The following PYGL variants were observed in gnomAD, a reference collection of about 807,000 sequenced individuals.
PYGL encodes the protein glycogen phosphorylase, liver form.
Under a neutral mutation model 100.1 loss-of-function variants are expected in PYGL, and 90 were observed. The ratio of observed to expected loss-of-function variants is 0.90; its 90% CI spans 0.76 to 1.07. The LOEUF (loss-of-function observed/expected upper bound fraction) is 1.07, where lower values mean the gene tolerates loss of function less well. Ranked by LOEUF, PYGL falls within the 50% of genes least tolerant of loss-of-function variation. The pLI is 0.00. For missense variants in PYGL, 1,016 were observed against 1,057.6 expected, an observed-to-expected ratio of 0.96 and a Z score of 0.55; for synonymous variants, 373 against 393.0, an observed-to-expected ratio of 0.95 and a Z score of 0.60.
intron 13 of PYGL, among the ~76,000 whole-genome samples, chr14:50,912,723 G>A (rs918874043): frequency 1.3e-5 from 2 of 152,314 alleles, no homozygotes; most frequent in African/African-American, 4.8e-5. Flanking sequence ...AGAGGCCGAG[G>A]CGGGTGGATC....
chr14:50,918,004 A>G (rs1184098256), intron 7 of PYGL, among the ~76,000 whole-genome samples: 1 of 152,228 alleles, frequency 6.6e-6, no homozygotes, highest in African/African-American at 2.4e-5. Flanking sequence ...AAAAAATCCC[A>G]TGAAAAAGTG....
intron 4 of PYGL, among the ~76,000 whole-genome samples, chr14:50,924,540 G>A (rs911055161): frequency 6.6e-6 from 1 of 152,112 alleles, no homozygotes; most frequent in Non-Finnish European, 1.5e-5. Context: ...CTACACAAAG[G>A]GTTCAGTCAA....
intron 1 of PYGL, among the ~76,000 whole-genome samples, chr14:50,943,874 G>C (rs1054324094): frequency 6.6e-6 from 1 of 152,250 alleles, no homozygotes; most frequent in African/African-American, 2.4e-5. Context: ...AGGCGAGAGG[G>C]GCCTGGGCTT....
chr14:50,918,695 G>T (rs1320804089), intron 7 of PYGL, among the ~76,000 whole-genome samples: 1 of 152,138 alleles, frequency 6.6e-6, no homozygotes, highest in Admixed American at 6.5e-5. Context: ...AATTTATTGG[G>T]TGTACACTGC....
rs1566505833 is a variant in PYGL at position 50,920,611 on chromosome 14, T to A, written c.785A>T (p.Asp262Val). The part of the protein sequence containing the change: ...DFNLRDFNVG[D>V]YIQAVLDRNL... ...TCGGTCCAGCACAGCCTGAATGTAG[T>A]CTCCAACATTAACTAGGGGAAAGTT... The change falls in exon 7 of 20, where the codon GAC (aspartate) becomes GTC (valine). Residue 262 changes from aspartate (D) to valine (V), a missense_variant. Coordinates refer to ENST00000216392, the MANE Select transcript of PYGL (RefSeq NM_002863.5). The A allele has an allele frequency of 6.2e-7, 1 of 1,611,098 alleles. No homozygotes were observed. Among genetic ancestry groups the A allele is most frequent in the African/African-American group, 1.3e-5 (1 of 74,962 alleles).
chr14:50,944,109 G>T, intron 1 of PYGL, 52 bp downstream of exon 1: 20 of 1,556,184 alleles, frequency 1.3e-5, no homozygotes, highest in South Asian at 2.3e-5. Context: ...GGCCGCGGCC[G>T]GAGACTCCGA....
intron 5 of PYGL, 188 bp downstream of exon 5, chr14:50,923,781 C>T: frequency 1.6e-6 from 1 of 637,004 alleles, no homozygotes; most frequent in Non-Finnish European, 2.4e-6. Context: ...TTGGCCTCAG[C>T]TCCTTTGTCT....
chr14:50,916,793 G>A (rs2050455428), intron 8 of PYGL, 59 bp from the exon 9 acceptor site: 2 of 1,563,492 alleles, frequency 1.3e-6, no homozygotes, highest in East Asian at 4.5e-5. Context: ...TGGCTTCTTT[G>A]TCCTAACACA....
chr14:50,925,649 G>A (rs1025759483), intron 4 of PYGL, among the ~76,000 whole-genome samples: 5 of 152,188 alleles, frequency 3.3e-5, no homozygotes, highest in African/African-American at 1.2e-4. Flanking sequence ...ATTGTCAACA[G>A]CCAGAGAAAT....
chr14:50,935,296 T>A, intron 2 of PYGL, 111 bp from the exon 3 acceptor site: 1 of 867,364 alleles, frequency 1.2e-6, no homozygotes, highest in Non-Finnish European at 1.9e-6. Flanking sequence ...GCTGTGTACC[T>A]AATCTAGCGT....
At chr14:50,931,215 T>C (rs1477765409) in intron 4 of PYGL, among the ~76,000 whole-genome samples, 1 of 152,188 alleles carries the variant, frequency 6.6e-6, no homozygotes, top group Non-Finnish European at 1.5e-5. Context: ...CAGACATGTA[T>C]TGGCCAGCAG....
At chr14:50,943,612 G>A (rs533128991) in intron 1 of PYGL, among the ~76,000 whole-genome samples, 12 of 152,390 alleles carry the variant, frequency 7.9e-5, no homozygotes, top group African/African-American at 9.6e-5. Flanking sequence ...TACGCTTGGA[G>A]CGGGACCCTG....
At chr14:50,940,443 A>C (rs1252073201) in intron 1 of PYGL, among the ~76,000 whole-genome samples, 1 of 152,208 alleles carries the variant, frequency 6.6e-6, no homozygotes, top group Non-Finnish European at 1.5e-5. Flanking sequence ...AAATATTTCA[A>C]AGTCTCTCTT....
intron 17 of PYGL, among the ~76,000 whole-genome samples, chr14:50,909,491 G>A (rs1024391331): frequency 3.9e-5 from 6 of 152,150 alleles, no homozygotes; most frequent in East Asian, 1.9e-4. Context: ...CTGTACACCC[G>A]TATCTATTCT....
Position 50,922,978 on chromosome 14 carries a change from C to T in PYGL, c.660+991G>A, listed in dbSNP as rs1051053421. The stretch of plus-strand genomic sequence containing the variant: ...ACTTTATTGGAAGCCATCCCATGCA[C>T]GCACAGAGCACATCTGGACTCATGC... On this transcript the variant is annotated intron_variant, in intron 5 of 19. Coordinates refer to ENST00000216392, the MANE Select transcript of PYGL (RefSeq NM_002863.5). 3.3e-5 allele frequency among the ~76,000 whole-genome samples: 5 copies of T among 152,252 alleles called. No individual in the cohort carries two copies. In the East Asian group the frequency reaches 5.8e-4, roughly 18 times the overall value.
At chr14:50,910,816 T>C (rs1219948871) in intron 16 of PYGL, among the ~76,000 whole-genome samples, 5 of 152,144 alleles carry the variant, frequency 3.3e-5, no homozygotes, top group African/African-American at 9.7e-5. Context: ...CCACACGTAA[T>C]TGAGGTGTGC....
intron 19 of PYGL, 45 bp downstream of exon 19, chr14:50,908,226 T>C (rs1469530900): frequency 2.0e-6 from 3 of 1,468,724 alleles, no homozygotes; most frequent in African/African-American, 1.4e-5. Flanking sequence ...TTTTAATGAA[T>C]CATAGTAAAC....
chr14:50,914,518 A>AATAATC (rs1178666477), intron 12 of PYGL, among the ~76,000 whole-genome samples, 183 bp downstream of exon 12: 2 of 151,754 alleles, frequency 1.3e-5, no homozygotes, highest in South Asian at 4.1e-4. Flanking sequence ...TAATAATAAT[A>AATAATC]ATAAATAATT....
intron 19 of PYGL, among the ~76,000 whole-genome samples, chr14:50,907,928 C>T (rs1026007654): frequency 2.6e-5 from 4 of 151,208 alleles, no homozygotes; most frequent in Admixed American, 2.0e-4. Context: ...TGCCTATAAT[C>T]CCAGCTACTT....
Sources: gnomAD v4.1 joint callset for allele counts (sites outside exome capture counted in the v4.1 genomes callset) on GRCh38, gnomAD v4.1.1 for gene constraint, MANE v1.5 for transcripts, NCBI Gene and HGNC (gene_info 2026-07-23, HGNC 2026-07-21) for gene names.